Variants in RNASET2 observed in about 807,000 individuals in gnomAD.
The protein encoded by RNASET2 is ribonuclease T2.
Under a neutral mutation model 33.9 loss-of-function variants are expected in RNASET2, and 28 were observed. That is an observed-to-expected ratio of 0.83 (90% CI 0.61 to 1.13). RNASET2 has a LOEUF of 1.13. Ranked by LOEUF, RNASET2 falls within the 50% of genes most tolerant of loss-of-function variation. The pLI is 0.00. For missense variants in RNASET2, 330 were observed against 319.9 expected, an observed-to-expected ratio of 1.03 and a Z score of -0.24; for synonymous variants, 123 against 121.0, an observed-to-expected ratio of 1.02 and a Z score of -0.11.
In RNASET2 at chr6:166,924,106, T is replaced by C. The variant is rs1778270640; in HGVS notation, c.*5482A>G. 6.6e-6 allele frequency among the ~76,000 whole-genome samples: 1 copy of C among 152,228 alleles called. No homozygotes were observed. Among genetic ancestry groups the C allele is most frequent in the Non-Finnish European group, 1.5e-5 (1 of 68,044 alleles). ...GGACCAGTGCTGCATTCTCTTTTTT[T>C]CTTTTTTTGAAACGGAGTCTTGCTC... On this transcript the variant is annotated 3_prime_UTR_variant, in exon 9 of 9. Coordinates refer to ENST00000508775, the MANE Select transcript of RNASET2 (RefSeq NM_003730.6).
intron 5 of RNASET2, among the ~76,000 whole-genome samples, chr6:166,940,219 G>C (rs1224925546): frequency 6.6e-6 from 1 of 152,230 alleles, no homozygotes; most frequent in African/African-American, 2.4e-5. Flanking sequence ...TATTGGTGAT[G>C]AATTCATGAA....
rs145765601 is a variant in RNASET2, at chr6:166,955,257, G to GCACA, written c.86+836_86+839dup. On this transcript the variant is annotated intron_variant, in intron 1 of 8. Transcript: ENST00000508775. ...CACGCACGCACACACACGCACACACGCACACACACACACGCGCACACACGA... is the reference window on the plus strand; with the variant it reads ...CACGCACGCACACACACGCACACACGCACACACACACACACACGCGCACACACGA... Among the ~76,000 whole-genome samples the GCACA allele has an allele frequency of 2.3e-3, 215 of 92,092 alleles. 12 individuals carry two copies. The highest frequency in any genetic ancestry group is 0.011 in the African/African-American group (194 of 18,430). The allele number at this position is 92,092 out of a possible 152,430, so 60.4% of individuals were successfully genotyped here.
At chr6:166,952,307 C>T (rs1434541976) in intron 2 of RNASET2, among the ~76,000 whole-genome samples, 181 bp downstream of exon 2, 1 of 152,216 alleles carries the variant, frequency 6.6e-6, no homozygotes, top group African/African-American at 2.4e-5. Context: ...GTTACAGCAG[C>T]CCTGGGAAGC....
chr6:166,942,215 GCTA>G (rs1778709598), intron 5 of RNASET2, among the ~76,000 whole-genome samples: 1 of 152,078 alleles, frequency 6.6e-6, no homozygotes, highest in Non-Finnish European at 1.5e-5. Context: ...ATCATGCCCA[GCTA>G]ATTTTTGTAT....
chr6:166,949,450 G>A (rs1489500372), intron 2 of RNASET2, among the ~76,000 whole-genome samples: 6 of 134,826 alleles, frequency 4.5e-5, no homozygotes, highest in East Asian at 2.2e-4. Flanking sequence ...GCAGTGAGCC[G>A]AGATCGCGCC....
chr6:166,944,500 C>T (rs918119231), intron 4 of RNASET2, among the ~76,000 whole-genome samples: 1 of 150,852 alleles, frequency 6.6e-6, no homozygotes, highest in Middle Eastern at 3.4e-3. Flanking sequence ...TCCTGCCCCA[C>T]CATGCTGGCT....
Position 166,927,201 on chromosome 6 carries a change from G to A in RNASET2, c.*2387C>T, listed in dbSNP as rs868615463. 2.0e-5 allele frequency among the ~76,000 whole-genome samples: 3 copies of A among 152,122 alleles called. No individual in the cohort carries two copies. The highest frequency in any genetic ancestry group is 1.9e-4 in the East Asian group (1 of 5,188). The stretch of plus-strand genomic sequence containing the variant: ...TGATCTCCATCACTGAACCTTAAAC[G>A]CAGAGTCTTCCCCTTCTGTCTCCTG... On this transcript the variant is annotated 3_prime_UTR_variant, in exon 9 of 9. Coordinates refer to ENST00000508775, the MANE Select transcript of RNASET2 (RefSeq NM_003730.6).
Position 166,955,351 on chromosome 6 carries a change from GCA to G in RNASET2, c.86+744_86+745del, listed in dbSNP as rs112980077. The G allele has an allele frequency of 3.8e-3, 404 of 107,732 alleles. 20 individuals carry two copies. The highest frequency in any genetic ancestry group is 0.023 in the South Asian group (29 of 1,246). 6.7% of individuals were successfully genotyped at this position (107,732 alleles called of 1,614,324 possible). A position where few individuals can be genotyped will look rare whatever the true frequency, so the allele number is the denominator to read the frequency against. Reference sequence around the variant, plus strand: ...CGCACGCACGCACACGCACACGCACGCACACACACACGCACACACAAACGCAC... The same window carrying G: ...CGCACGCACGCACACGCACACGCACGCACACACACGCACACACAAACGCAC... On this transcript the variant is annotated intron_variant, in intron 1 of 8. Coordinates refer to ENST00000508775, the MANE Select transcript of RNASET2 (RefSeq NM_003730.6).
At chr6:166,930,054 C>T (rs922932058) in intron 8 of RNASET2, among the ~76,000 whole-genome samples, 56 of 152,238 alleles carry the variant, frequency 3.7e-4, no homozygotes, top group African/African-American at 1.3e-3. Flanking sequence ...AGAGGCCAGC[C>T]TGGTGCCCTG....
At position 166,928,212 on chromosome 6, in the gene RNASET2, T is replaced by C. The variant is rs1778337229; in HGVS notation, c.*1376A>G. On this transcript the variant is annotated 3_prime_UTR_variant, in exon 9 of 9. Transcript: ENST00000508775. ...CCAGAGGGCCAGAGGCCGTCCTGTG[T>C]CTCCTTTAATGCCTGCGGGGGACGC... is the stretch of plus-strand genomic sequence containing the variant. 6.6e-6 allele frequency among the ~76,000 whole-genome samples: 1 copy of C among 152,182 alleles called. No homozygotes were observed. The highest frequency in any genetic ancestry group is 1.5e-5 in the Non-Finnish European group (1 of 68,042).
At chr6:166,936,686 G>T (rs951763313) in intron 6 of RNASET2, among the ~76,000 whole-genome samples, 4 of 152,168 alleles carry the variant, frequency 2.6e-5, no homozygotes, top group Non-Finnish European at 5.9e-5. Context: ...CTACTCATGA[G>T]GGATCCTTCC....
chr6:166,947,982 GAA>G (rs1215448713), intron 3 of RNASET2, among the ~76,000 whole-genome samples: 1 of 152,116 alleles, frequency 6.6e-6, no homozygotes, highest in Admixed American at 6.5e-5. Context: ...AACCCCAAGA[GAA>G]GAACAAAATG....
rs1191342507 is a variant in RNASET2 at position 166,931,044 on chromosome 6, C to T, written c.567G>A (p.Gln189=). Residue 189 remains glutamine (Q), a splice_region_variant and synonymous_variant, in exon 8 of 9, where the codon CAG becomes CAA. Transcript: ENST00000508775. The part of the protein sequence containing the change: ...IPKIQCLPPS[Q]DEEVQTIGQI... ...GGAAGACAAAACATAACTGTCTAAC[C>T]TGGCTTGGTGGAAGGCACTGGATTT... 3.1e-6 allele frequency: 5 copies of T among 1,608,494 alleles called. No homozygotes were observed. Among genetic ancestry groups the T allele is most frequent in the Non-Finnish European group, 4.3e-6 (5 of 1,174,844 alleles).
At chr6:166,942,031 T>C (rs530635945) in intron 5 of RNASET2, among the ~76,000 whole-genome samples, 1 of 151,508 alleles carries the variant, frequency 6.6e-6, no homozygotes, top group African/African-American at 2.4e-5. Flanking sequence ...GTCATAGGCA[T>C]GAGATCATCA....
chr6:166,949,274 T>C (rs966411465), intron 2 of RNASET2, among the ~76,000 whole-genome samples: 7 of 124,060 alleles, frequency 5.6e-5, no homozygotes, highest in African/African-American at 1.9e-4. Flanking sequence ...GAGGCGGAGG[T>C]GGGCAGATCA....
At position 166,922,422 on chromosome 6, in the gene RNASET2, T is replaced by C. The variant is rs1423085707; in HGVS notation, c.*7166A>G. Reference sequence around the variant, plus strand: ...AAAAAAACCACTTGATTTCCAGGAATTGCCATAGGCTAGAGTCTCAGGTGT... The same window carrying C: ...AAAAAAACCACTTGATTTCCAGGAACTGCCATAGGCTAGAGTCTCAGGTGT... On this transcript the variant is annotated 3_prime_UTR_variant, in exon 9 of 9. Coordinates refer to ENST00000508775, the MANE Select transcript of RNASET2 (RefSeq NM_003730.6). 1.3e-5 allele frequency among the ~76,000 whole-genome samples: 2 copies of C among 152,338 alleles called. No individual in the cohort carries two copies. The highest frequency in any genetic ancestry group is 2.9e-5 in the Non-Finnish European group (2 of 68,024).
chr6:166,951,826 C>T (rs1778992165), intron 2 of RNASET2, among the ~76,000 whole-genome samples: 3 of 152,210 alleles, frequency 2.0e-5, no homozygotes, highest in Non-Finnish European at 4.4e-5. Flanking sequence ...CCCTCGGTCT[C>T]TTGCCTTGGC....
chr6:166,925,540 G>A lies in RNASET2; in HGVS notation c.*4048C>T, dbSNP rs746099001. Among the ~76,000 whole-genome samples, 5 of 151,984 alleles carry A rather than the reference G, an allele frequency of 3.3e-5. No homozygotes were observed. Among genetic ancestry groups the A allele is most frequent in the Non-Finnish European group, 7.4e-5 (5 of 67,968 alleles). On this transcript the variant is annotated 3_prime_UTR_variant, in exon 9 of 9. Coordinates refer to ENST00000508775, the MANE Select transcript of RNASET2 (RefSeq NM_003730.6). Reference sequence around the variant, plus strand: ...GTCCAGCCCTTGCCTCCCCCGTCCAGCCCTCACCTCCATCATGCAGCCACT... The same window carrying A: ...GTCCAGCCCTTGCCTCCCCCGTCCAACCCTCACCTCCATCATGCAGCCACT...
intron 6 of RNASET2, chr6:166,934,426 C>G (rs1384892856): frequency 2.5e-6 from 1 of 406,864 alleles, no homozygotes; most frequent in African/African-American, 2.0e-5. Context: ...GGAGCTGGCA[C>G]ACACATCACC....
Sources: gnomAD v4.1 joint callset for allele counts (sites outside exome capture counted in the v4.1 genomes callset) on GRCh38, gnomAD v4.1.1 for gene constraint, MANE v1.5 for transcripts, NCBI Gene and HGNC (gene_info 2026-07-23, HGNC 2026-07-21) for gene names.